RMC1: variants seen among roughly 807,000 people sequenced by gnomAD.
RMC1 encodes regulator of MON1-CCZ1.
Under a neutral mutation model 95.5 loss-of-function variants are expected in RMC1, and 44 were observed. The ratio of observed to expected loss-of-function variants is 0.46; its 90% CI spans 0.36 to 0.59. The LOEUF is 0.59. RMC1 is among the 20% of genes least tolerant of loss of function. The probability of loss-of-function intolerance (pLI) is 0.00; values close to 1 mark genes in which losing one functional copy is unlikely to be tolerated. For missense variants in RMC1, 705 were observed against 819.6 expected (o/e 0.86, Z 1.71); for synonymous variants, 320 against 303.6 (o/e 1.05, Z -0.56).
intron 15 of RMC1, 88 bp from the exon 16 acceptor site, chr18:23,529,547 G>A: frequency 7.5e-7 from 1 of 1,333,834 alleles, no homozygotes; most frequent in Non-Finnish European, 1.1e-6. Context: ...TTTTAAGATG[G>A]AAACAAGGTG....
intron 1 of RMC1, 79 bp from the exon 2 acceptor site, chr18:23,504,292 A>G: frequency 3.3e-6 from 4 of 1,222,274 alleles, no homozygotes; most frequent in Non-Finnish European, 4.9e-6. Context: ...TATAACAGAA[A>G]TAATCGCTTG....
At chr18:23,513,455 T>C (rs1045639868) in intron 5 of RMC1, among the ~76,000 whole-genome samples, 2 of 152,218 alleles carry the variant, frequency 1.3e-5, no homozygotes, top group Admixed American at 6.5e-5. Context: ...TGAGGGACAT[T>C]TGGGTTGCTT....
chr18:23,525,859 TC>T (rs2058284271), intron 12 of RMC1, among the ~76,000 whole-genome samples: 1 of 152,242 alleles, frequency 6.6e-6, no homozygotes, highest in Non-Finnish European at 1.5e-5. Flanking sequence ...CCTCTGGAAT[TC>T]CTAAGAACTC....
rs757672412 is a variant in RMC1 at position 23,530,087 on chromosome 18, G to A, written c.1554G>A (p.Leu518=). Residue 518 remains leucine (L), a synonymous_variant, in exon 17 of 20, where the codon CTG becomes CTA. Transcript: ENST00000269221. The part of the protein sequence containing the change: ...TLVQHNLFYM[L]HQFLQYHVLS... The stretch of plus-strand genomic sequence containing the variant: ...TCCAGCACAACCTCTTTTATATGCT[G>A]CATCAGTTCCTGCAGTACCACGTCC... The A allele has an allele frequency of 1.2e-6, 2 of 1,614,046 alleles. No homozygotes were observed. The highest frequency in any genetic ancestry group is 1.1e-5 in the South Asian group (1 of 91,080).
At position 23,509,222 on chromosome 18, in the gene RMC1, C is replaced by A; in HGVS notation, c.351C>A (p.Cys117Ter). Residue 117 changes from cysteine to a stop codon, truncating the protein, a stop_gained, in exon 5 of 20, where the codon TGC becomes TGA. Transcript: ENST00000269221. LOFTEE classifies it high-confidence loss of function. ...AGAATGCCAACATTCTAGGATTCTG[C>A]TGGACTAGTTCAACTGAAATTGTCT... Reference protein sequence around the residue: ...KTKNANILGFCWTSSTEIVFI... With the variant: ...KTKNANILGF 1.4e-6 allele frequency: 2 copies of A among 1,459,290 alleles called. No homozygotes were observed. The highest frequency in any genetic ancestry group is 1.8e-6 in the Non-Finnish European group (2 of 1,103,780). The allele number at this position is 1,459,290 out of a possible 1,614,324, so 90.4% of individuals were successfully genotyped here. A position where few individuals can be genotyped will look rare whatever the true frequency, so the allele number is the denominator to read the frequency against.
In RMC1 at chr18:23,505,855, G is replaced by A. The variant is rs568596672; in HGVS notation, c.180-1115G>A. Among the ~76,000 whole-genome samples the A allele has an allele frequency of 6.6e-5, 10 of 152,212 alleles. 1 individual carries two copies. In the South Asian group the frequency reaches 2.1e-3, roughly 32 times the overall value. ...TAAGAAGTTTGTGGGTGGGGGGAAG[G>A]TACTGAATTTAACTTAAAAAGAGTT... is the stretch of plus-strand genomic sequence containing the variant. On this transcript the variant is annotated intron_variant, in intron 2 of 19. Coordinates refer to ENST00000269221, the MANE Select transcript of RMC1 (RefSeq NM_013326.5).
At chr18:23,512,679 G>A (rs574737242) in intron 5 of RMC1, among the ~76,000 whole-genome samples, 4 of 148,006 alleles carry the variant, frequency 2.7e-5, no homozygotes, top group South Asian at 4.2e-4. Context: ...CCATTCTTCT[G>A]CCTTGGCCTC....
At chr18:23,515,259 A>G (rs1459958881) in intron 5 of RMC1, among the ~76,000 whole-genome samples, 1 of 152,200 alleles carries the variant, frequency 6.6e-6, no homozygotes, top group African/African-American at 2.4e-5. Flanking sequence ...GAAACAGCCT[A>G]CCCAGGCTAT....
chr18:23,518,905 T>C lies in RMC1; in HGVS notation c.669T>C (p.Tyr223=). The change falls in exon 8 of 20, where the codon TAT becomes TAC. Residue 223 remains tyrosine (Y), a synonymous_variant. Coordinates refer to ENST00000269221, the MANE Select transcript of RMC1 (RefSeq NM_013326.5). ...IAMATIYGQL[Y]VLFLRHHSRT... is the part of the protein sequence containing the mutation. ...CCCTAATTAGATACGGGCAGCTGTA[T>C]GTTCTCTTCTTGAGGCATCATTCTC... The C allele has an allele frequency of 5.0e-6, 8 of 1,614,130 alleles. No individual in the cohort carries two copies. The highest frequency in any genetic ancestry group is 6.8e-6 in the Non-Finnish European group (8 of 1,179,976).
chr18:23,505,516 C>T (rs1364726108), intron 2 of RMC1, among the ~76,000 whole-genome samples: 1 of 152,200 alleles, frequency 6.6e-6, no homozygotes, highest in African/African-American at 2.4e-5. Context: ...CTTACATATT[C>T]TCCTATGAAA....
At chr18:23,527,611 T>TTTA (rs1555628918) in intron 13 of RMC1, among the ~76,000 whole-genome samples, 184 bp from the exon 14 acceptor site, 1 of 150,624 alleles carries the variant, frequency 6.6e-6, no homozygotes, top group East Asian at 2.0e-4. Flanking sequence ...TTTTTTTTTT[T>TTTA]AACCGTAACC....
At chr18:23,517,147 CTT>C (rs561567719) in intron 7 of RMC1, among the ~76,000 whole-genome samples, 1 of 145,772 alleles carries the variant, frequency 6.9e-6, no homozygotes, top group African/African-American at 2.5e-5. Flanking sequence ...TTTTCTTTTA[CTT>C]TTTTTTTTTG....
chr18:23,503,642 G>A lies in RMC1; in HGVS notation c.24G>A (p.Leu8=). 1 of 1,588,450 alleles carries A rather than the reference G, an allele frequency of 6.3e-7. No individual in the cohort carries two copies. MGEEDYY[L]ELCERPVQFE... The stretch of plus-strand genomic sequence containing the variant: ...CCATGGGCGAGGAGGACTACTATCT[G>A]GAGCTGTGCGAGCGGCCGGTGCAGT... The change falls in exon 1 of 20, where the codon CTG becomes CTA. Residue 8 remains leucine (L), a synonymous_variant. Coordinates refer to ENST00000269221, the MANE Select transcript of RMC1 (RefSeq NM_013326.5).
At chr18:23,503,799 G>C in intron 1 of RMC1, 79 bp downstream of exon 1, 1 of 1,241,046 alleles carries the variant, frequency 8.1e-7, no homozygotes, top group Non-Finnish European at 1.1e-6. Context: ...CGCGCGACCA[G>C]GCCCGAGCGT....
In RMC1 at chr18:23,527,748, T is replaced by C. The variant is rs533543141; in HGVS notation, c.1190-47T>C. 1.9e-5 allele frequency: 28 copies of C among 1,466,462 alleles called. No homozygotes were observed. The African/African-American group carries it at 3.9e-4, about 20-fold the overall frequency. The allele number at this position is 1,466,462 out of a possible 1,614,324, so 90.8% of individuals were successfully genotyped here. On this transcript the variant is annotated intron_variant, in intron 13 of 19. Coordinates refer to ENST00000269221, the MANE Select transcript of RMC1 (RefSeq NM_013326.5). ...TAGCAACGTGTGGAAATTCTGAAGCTGACATGAAGTTGGTTTGATCCGTGT... is the reference window on the plus strand; with the variant it reads ...TAGCAACGTGTGGAAATTCTGAAGCCGACATGAAGTTGGTTTGATCCGTGT...
chr18:23,514,498 G>A (rs1375206658), intron 5 of RMC1, among the ~76,000 whole-genome samples: 3 of 152,010 alleles, frequency 2.0e-5, no homozygotes, highest in Non-Finnish European at 2.9e-5. Context: ...TGGAGGTTGC[G>A]GTGAGCCGAG....
rs1457530033 is a variant in RMC1 at position 23,524,110 on chromosome 18, T to TA, written c.962-19dup. ...CATTTTCTGACTGCATCGTTGCACT[T>TA]ATGTTTTCTCAATTTGTAGGTCCTG... On this transcript the variant is annotated intron_variant, in intron 10 of 19. Transcript: ENST00000269221. The TA allele has an allele frequency of 6.2e-7, 1 of 1,613,882 alleles. No individual in the cohort carries two copies. The highest frequency in any genetic ancestry group is 1.3e-5 in the African/African-American group (1 of 74,926).
chr18:23,508,683 T>C (rs2057773249), intron 4 of RMC1: 1 of 152,280 alleles, frequency 6.6e-6, no homozygotes. Flanking sequence ...GAGAGGTGCA[T>C]CCCCACCACT....
rs534383849 is a variant in RMC1 at position 23,505,208 on chromosome 18, C to T, written c.179+761C>T. Among the ~76,000 whole-genome samples the T allele has an allele frequency of 3.3e-5, 5 of 152,244 alleles. No individual in the cohort carries two copies. In the South Asian group the frequency reaches 1.0e-3, roughly 32 times the overall value. ...AAGTAGCTGGGATTAGAGGCGCCCACCACCACGCCCGGCTAATTTTTTTTG... is the reference window on the plus strand; with the variant it reads ...AAGTAGCTGGGATTAGAGGCGCCCATCACCACGCCCGGCTAATTTTTTTTG... On this transcript the variant is annotated intron_variant, in intron 2 of 19. Transcript: ENST00000269221.
Sources: gnomAD v4.1 joint callset for allele counts (sites outside exome capture counted in the v4.1 genomes callset) on GRCh38, gnomAD v4.1.1 for gene constraint, MANE v1.5 for transcripts, NCBI Gene and HGNC (gene_info 2026-07-23, HGNC 2026-07-21) for gene names.